ABCD2: variants seen among roughly 807,000 people sequenced by gnomAD.
ABCD2 encodes the protein ATP binding cassette subfamily D member 2.
Under a neutral mutation model 70.9 loss-of-function variants are expected in ABCD2, and 36 were observed. The observed-to-expected ratio is 0.51, with a 90% CI of 0.39 to 0.67. ABCD2 has a LOEUF of 0.67. ABCD2 is among the 30% of genes least tolerant of loss of function. ABCD2 has a pLI of 0.00. For synonymous variants in ABCD2, 304 were observed against 306.9 expected (o/e 0.99, Z 0.10); for missense variants, 729 against 890.2 (o/e 0.82, Z 2.30).
At chr12:39,560,600 T>A (rs1249294207) in intron 9 of ABCD2, among the ~76,000 whole-genome samples, 4 of 152,160 alleles carry the variant, frequency 2.6e-5, no homozygotes, top group African/African-American at 9.6e-5. Context: ...GTAAAGGTTG[T>A]GTTTTTTTGC....
chr12:39,598,004 G>A (rs949804161), intron 6 of ABCD2, among the ~76,000 whole-genome samples: 1 of 152,094 alleles, frequency 6.6e-6, no homozygotes, highest in African/African-American at 2.4e-5. Flanking sequence ...AGCTTTCCAA[G>A]CTTATGAACT....
chr12:39,591,438 G>A (rs899504211), intron 6 of ABCD2, among the ~76,000 whole-genome samples: 2 of 152,148 alleles, frequency 1.3e-5, no homozygotes, highest in Non-Finnish European at 2.9e-5. Flanking sequence ...TAGGCCAGGT[G>A]CAGTGGCTCG....
chr12:39,603,854 G>C (rs1420369158), intron 5 of ABCD2, 58 bp downstream of exon 5: 27 of 1,273,930 alleles, frequency 2.1e-5, no homozygotes, highest in Non-Finnish European at 1.0e-5. Flanking sequence ...CATGAATTCT[G>C]AGTTGTTTTG....
Position 39,551,700 on chromosome 12 carries a change from G to A in ABCD2, c.*2212C>T, listed in dbSNP as rs987495440. 5.3e-5 allele frequency: 8 copies of A among 151,740 alleles called. No individual in the cohort carries two copies. The highest frequency in any genetic ancestry group is 1.9e-4 in the African/African-American group (8 of 41,420). 9.4% of individuals were successfully genotyped at this position (151,740 alleles called of 1,614,324 possible). Reference sequence around the variant, plus strand: ...AGAATTTTAGGCATCTTTGAATCCTGTGCATCATAAATAATGAGTCTTTTT... The same window carrying A: ...AGAATTTTAGGCATCTTTGAATCCTATGCATCATAAATAATGAGTCTTTTT... On this transcript the variant is annotated 3_prime_UTR_variant, in exon 10 of 10. Coordinates refer to ENST00000308666, the MANE Select transcript of ABCD2 (RefSeq NM_005164.4).
intron 9 of ABCD2, among the ~76,000 whole-genome samples, chr12:39,568,044 T>C (rs1941384514): frequency 6.6e-6 from 1 of 151,996 alleles, no homozygotes; most frequent in Admixed American, 6.5e-5. Flanking sequence ...CCTTTCTCTC[T>C]GGCTGCCCTT....
chr12:39,602,175 TACTGAGTC>T (rs1941908703), intron 5 of ABCD2, among the ~76,000 whole-genome samples: 1 of 146,962 alleles, frequency 6.8e-6, no homozygotes, highest in African/African-American at 2.6e-5. Context: ...TTATTTTTTA[TACTGAGTC>T]TTATTCTGTC....
intron 2 of ABCD2, among the ~76,000 whole-genome samples, chr12:39,609,991 T>A (rs1942023611): frequency 6.6e-6 from 1 of 152,030 alleles, no homozygotes; most frequent in African/African-American, 2.4e-5. Context: ...CCTGGATGAG[T>A]TAATGCAAGG....
chr12:39,587,899 T>G (rs546169377), intron 6 of ABCD2, among the ~76,000 whole-genome samples: 1 of 152,322 alleles, frequency 6.6e-6, no homozygotes, highest in East Asian at 1.9e-4. Flanking sequence ...TTTTTGAACT[T>G]GGCTATATAA....
chr12:39,536,592 T>C, the ABCD2 span, among the ~76,000 whole-genome samples: 1 of 152,202 alleles, frequency 6.6e-6, no homozygotes, highest in Non-Finnish European at 1.5e-5. Context: ...TTTAGTAAAA[T>C]GGGGAGGAGA....
At chr12:39,606,829 G>T (rs1434146942) in intron 3 of ABCD2, among the ~76,000 whole-genome samples, 1 of 152,128 alleles carries the variant, frequency 6.6e-6, no homozygotes, top group Non-Finnish European at 1.5e-5. Context: ...TGGCCCTGTG[G>T]TATCTGCAGG....
chr12:39,552,256 T>C lies in ABCD2; in HGVS notation c.*1656A>G, dbSNP rs920518025. 1 of 151,980 alleles carries C rather than the reference T, an allele frequency of 6.6e-6. No homozygotes were observed. Among genetic ancestry groups the C allele is most frequent in the Admixed American group, 6.6e-5 (1 of 15,234 alleles). The allele number at this position is 151,980 out of a possible 1,614,324, so 9.4% of individuals were successfully genotyped here. A position where few individuals can be genotyped will look rare whatever the true frequency, so the allele number is the denominator to read the frequency against. ...GGCAGAATTGAAAATGTAGAAATGT[T>C]ATGATGTTCTATAACGATCATTATG... On this transcript the variant is annotated 3_prime_UTR_variant, in exon 10 of 10. Coordinates refer to ENST00000308666, the MANE Select transcript of ABCD2 (RefSeq NM_005164.4).
the ABCD2 span, among the ~76,000 whole-genome samples, chr12:39,532,020 G>A: frequency 6.6e-6 from 1 of 152,204 alleles, no homozygotes; most frequent in East Asian, 1.9e-4. Flanking sequence ...GATGGGACTG[G>A]AAACCTCAAT....
intron 9 of ABCD2, among the ~76,000 whole-genome samples, chr12:39,558,014 C>A (rs920764381): frequency 7.2e-5 from 11 of 152,170 alleles, no homozygotes; most frequent in African/African-American, 2.2e-4. Context: ...ATGGTAGATC[C>A]ACTAACAGCT....
intron 6 of ABCD2, among the ~76,000 whole-genome samples, chr12:39,595,230 AT>A (rs1261693183): frequency 1.3e-5 from 2 of 152,098 alleles, no homozygotes; most frequent in Non-Finnish European, 2.9e-5. Context: ...AAACAGTAGG[AT>A]TTTTTTCATC....
In ABCD2 at chr12:39,552,096, A is replaced by G. The variant is rs866252034; in HGVS notation, c.*1816T>C. ...CTGCCTCACTTTTCTAACAGGAAAT[A>G]TTAGTAACTGATGAATAAGTAGGTG... is the stretch of plus-strand genomic sequence containing the variant. On this transcript the variant is annotated 3_prime_UTR_variant, in exon 10 of 10. Coordinates refer to ENST00000308666, the MANE Select transcript of ABCD2 (RefSeq NM_005164.4). 4 of 152,054 alleles carry G rather than the reference A, an allele frequency of 2.6e-5. No individual in the cohort carries two copies. Among genetic ancestry groups the G allele is most frequent in the Middle Eastern group, 3.4e-3 (1 of 294 alleles). 9.4% of individuals were successfully genotyped at this position (152,054 alleles called of 1,614,324 possible). A position where few individuals can be genotyped will look rare whatever the true frequency, so the allele number is the denominator to read the frequency against.
chr12:39,548,233 T>C (rs1305108144), downstream of ABCD2, among the ~76,000 whole-genome samples: 1 of 152,100 alleles, frequency 6.6e-6, no homozygotes, highest in East Asian at 1.9e-4. Flanking sequence ...GCTAATGTAA[T>C]GCAACCGAGC....
chr12:39,574,134 C>T (rs1291182524), intron 8 of ABCD2, among the ~76,000 whole-genome samples: 1 of 152,058 alleles, frequency 6.6e-6, no homozygotes, highest in East Asian at 1.9e-4. Context: ...TGAGGCAGGT[C>T]ACTGAGTACA....
At chr12:39,548,682 A>C (rs545120203), downstream of ABCD2, among the ~76,000 whole-genome samples, 1 of 151,540 alleles carries the variant, frequency 6.6e-6, no homozygotes, top group Admixed American at 6.6e-5. Context: ...AATATATTTA[A>C]TATATACAAA....
chr12:39,573,955 CATT>C (rs1941482959), intron 8 of ABCD2, 114 bp from the exon 9 acceptor site: 1 of 1,046,214 alleles, frequency 9.6e-7, no homozygotes, highest in Non-Finnish European at 1.3e-6. Flanking sequence ...AAGACTATGG[CATT>C]ATTAAAGGCA....
Sources: allele counts gnomAD v4.1 joint callset (sites outside exome capture counted in the v4.1 genomes callset), GRCh38; gene constraint gnomAD v4.1.1; transcripts MANE v1.5; gene names NCBI Gene and HGNC (gene_info 2026-07-23, HGNC 2026-07-21).